The following RTN1 variants were observed in gnomAD, a reference collection of about 807,000 sequenced individuals.
RTN1 encodes the protein reticulon-1.
A neutral mutation model predicts 65.5 loss-of-function variants in RTN1; 25 were observed. That is an observed-to-expected ratio of 0.38 (90% CI 0.28 to 0.53). The LOEUF is 0.53. Ranked by LOEUF, RTN1 falls within the 20% of genes least tolerant of loss-of-function variation. The probability of loss-of-function intolerance (pLI) is 0.79; values close to 1 mark genes in which losing one functional copy is unlikely to be tolerated. For missense variants in RTN1, 983 were observed against 1,025.4 expected (o/e 0.96, Z 0.57); for synonymous variants, 471 against 447.6 (o/e 1.05, Z -0.66).
In RTN1 at chr14:59,727,096, G is replaced by T. The variant is rs1884780667; in HGVS notation, c.1588C>A (p.Pro530Thr). 2 of 1,611,124 alleles carry T rather than the reference G, an allele frequency of 1.2e-6. No individual in the cohort carries two copies. Among genetic ancestry groups the T allele is most frequent in the Non-Finnish European group, 1.7e-6 (2 of 1,178,674 alleles). The part of the protein sequence containing the change: ...GSFLDYPSTE[P>T]QPGPELPPGD... ...GGGGGCAGCTCGGGGCCAGGCTGGG[G>T]CTCAGTTGAGGGGTAGTCGAGGAAG... is the stretch of plus-strand genomic sequence containing the variant. Residue 530 changes from proline (P) to threonine (T), a missense_variant, in exon 3 of 9, where the codon CCC becomes ACC. By Grantham distance (38) the Pro-to-Thr change is conservative (BLOSUM62 -1). This residue lies in a region of RTN1 where 818 missense variants were observed against 801.8 expected (regional missense o/e 1.02). Coordinates refer to ENST00000267484, the MANE Select transcript of RTN1 (RefSeq NM_021136.3). The surrounding 1 kb of genome is among the most constrained non-coding windows in gnomAD (Gnocchi z 4.2).
chr14:59,753,633 ATGTTGGAGCAGAGTCC>A (rs1885575771), intron 1 of RTN1, among the ~76,000 whole-genome samples: 2 of 152,172 alleles, frequency 1.3e-5, no homozygotes, highest in African/African-American at 4.8e-5. Flanking sequence ...ACAGTAAATT[ATGTTGGAGCAGAGTCC>A]TGTGGGGATT....
chr14:59,680,431 T>C (rs1883721854), intron 3 of RTN1, among the ~76,000 whole-genome samples: 1 of 152,230 alleles, frequency 6.6e-6, no homozygotes, highest in Non-Finnish European at 1.5e-5. Flanking sequence ...GAGATAGTTG[T>C]CATTGTTTAC....
intron 1 of RTN1, among the ~76,000 whole-genome samples, chr14:59,817,630 AT>A (rs11413729): frequency 0.014 from 2,054 of 148,340 alleles, 41 homozygotes; most frequent in African/African-American, 0.044. Flanking sequence ...CCTCCCTTTG[AT>A]TTTTTTTTTT....
intron 3 of RTN1, among the ~76,000 whole-genome samples, chr14:59,716,871 G>A (rs1320376013): frequency 6.6e-6 from 1 of 151,940 alleles, no homozygotes; most frequent in East Asian, 1.9e-4. Context: ...GGGAGGCTGA[G>A]GCAGGAGAAT....
At chr14:59,651,927 T>G (rs549435157) in intron 3 of RTN1, among the ~76,000 whole-genome samples, 3 of 152,018 alleles carry the variant, frequency 2.0e-5, no homozygotes, top group Non-Finnish European at 2.9e-5. Context: ...GGAGAAAAAT[T>G]TTGCAAACTA....
chr14:59,788,313 G>T (rs770836705), intron 1 of RTN1, among the ~76,000 whole-genome samples: 3 of 152,108 alleles, frequency 2.0e-5, no homozygotes, highest in Non-Finnish European at 4.4e-5. Flanking sequence ...TTCAGAAAAA[G>T]AATGCACTGA....
At chr14:59,820,204 T>A (rs1320931233) in intron 1 of RTN1, among the ~76,000 whole-genome samples, 1 of 152,162 alleles carries the variant, frequency 6.6e-6, no homozygotes, top group Non-Finnish European at 1.5e-5. Context: ...TTGAGAAGTG[T>A]CTATTCATGT....
chr14:59,704,777 G>A (rs966616407), intron 3 of RTN1, among the ~76,000 whole-genome samples: 2 of 152,146 alleles, frequency 1.3e-5, no homozygotes, highest in South Asian at 2.1e-4. Flanking sequence ...TTGTGCTGCA[G>A]CTGATTCCCG....
intron 3 of RTN1, among the ~76,000 whole-genome samples, chr14:59,701,519 T>C (rs1478977963): frequency 2.0e-5 from 3 of 152,198 alleles, no homozygotes; most frequent in Non-Finnish European, 4.4e-5. Context: ...ATACATGCTA[T>C]AACATGGATG....
At chr14:59,778,691 T>A (rs1383068544) in intron 1 of RTN1, among the ~76,000 whole-genome samples, 1 of 152,156 alleles carries the variant, frequency 6.6e-6, no homozygotes, top group Non-Finnish European at 1.5e-5. Context: ...GGGTGGGCAG[T>A]TGCACTGAAA....
At chr14:59,642,050 T>G (rs1399315344) in intron 3 of RTN1, among the ~76,000 whole-genome samples, 1 of 152,216 alleles carries the variant, frequency 6.6e-6, no homozygotes, top group Non-Finnish European at 1.5e-5. Flanking sequence ...CAAGTATTTA[T>G]ATTAACTTTT....
chr14:59,805,838 G>C (rs1886625852), intron 1 of RTN1, among the ~76,000 whole-genome samples: 1 of 152,182 alleles, frequency 6.6e-6, no homozygotes, highest in Non-Finnish European at 1.5e-5. Flanking sequence ...CAAAGGTAAA[G>C]AAAGACTGCC....
At chr14:59,704,005 G>A (rs967253855) in intron 3 of RTN1, among the ~76,000 whole-genome samples, 2 of 152,186 alleles carry the variant, frequency 1.3e-5, no homozygotes, top group African/African-American at 4.8e-5. Flanking sequence ...TGAGGGGAAG[G>A]ATGATAATAT....
At chr14:59,809,478 C>G (rs971526995) in intron 1 of RTN1, among the ~76,000 whole-genome samples, 2 of 151,918 alleles carry the variant, frequency 1.3e-5, no homozygotes, top group East Asian at 1.9e-4. Flanking sequence ...CATTTCACAC[C>G]AGGGACTCAG....
In RTN1 at chr14:59,746,037, A is replaced by G. The variant is rs1184002893; in HGVS notation, c.686T>C (p.Ile229Thr). 6.2e-7 allele frequency: 1 copy of G among 1,614,040 alleles called. No individual in the cohort carries two copies. The highest frequency in any genetic ancestry group is 1.1e-5 in the South Asian group (1 of 91,068). The change falls in exon 2 of 9, where the codon ATC (isoleucine) becomes ACC (threonine). Residue 229 changes from isoleucine to threonine, a missense_variant. Around this residue, in one of 2 missense-constraint regions of RTN1, gnomAD observed 818 missense variants for 801.8 expected, o/e 1.02. Transcript: ENST00000267484. ...ACGGACTCCTTCAGGTTTAATTGAG[A>G]TGTCAGTGTCTTTATTCTTAAAGTC... The part of the protein sequence containing the change: ...DLDFKNKDTD[I>T]SIKPEGVREP...
intron 3 of RTN1, among the ~76,000 whole-genome samples, chr14:59,672,781 C>T (rs1883538004): frequency 6.6e-6 from 1 of 150,430 alleles, no homozygotes; most frequent in African/African-American, 2.4e-5. Flanking sequence ...GCTGGGACTA[C>T]AGGCGCCCGC....
chr14:59,862,297 A>G (rs1367192751), intron 1 of RTN1, among the ~76,000 whole-genome samples: 1 of 152,130 alleles, frequency 6.6e-6, no homozygotes, highest in African/African-American at 2.4e-5. Flanking sequence ...GTTTACTGTA[A>G]TTCCCAGGAT....
chr14:59,856,673 C>T (rs770224177), intron 1 of RTN1, among the ~76,000 whole-genome samples: 7 of 152,162 alleles, frequency 4.6e-5, no homozygotes, highest in Non-Finnish European at 8.8e-5. Flanking sequence ...ACCCCCAATC[C>T]TTCCTTGCTC....
chr14:59,819,229 T>C (rs1333706869), intron 1 of RTN1, among the ~76,000 whole-genome samples: 1 of 152,014 alleles, frequency 6.6e-6, no homozygotes, highest in Non-Finnish European at 1.5e-5. Flanking sequence ...AGATTTATTG[T>C]GAAGAGCGAA....
Sources: allele counts gnomAD v4.1 joint callset (sites outside exome capture counted in the v4.1 genomes callset), GRCh38; gene constraint gnomAD v4.1.1; regional missense constraint gnomAD v4.1.1; non-coding constraint Gnocchi (gnomAD v3.1); transcripts MANE v1.5; gene names NCBI Gene and HGNC (gene_info 2026-07-23, HGNC 2026-07-21).